FHIT: variants seen among roughly 807,000 people sequenced by gnomAD.
FHIT encodes the protein fragile histidine triad diadenosine triphosphatase.
Under a neutral mutation model 17.9 loss-of-function variants are expected in FHIT, and 19 were observed. The observed-to-expected ratio is 1.06, with a 90% CI of 0.74 to 1.56. FHIT has a LOEUF of 1.56. Among genes scored for constraint, FHIT ranks in the 40% most tolerant of loss-of-function variants. The pLI, the probability that FHIT is intolerant of heterozygous loss-of-function variation, is 0.00. For synonymous variants in FHIT, 81 were observed against 69.7 expected (o/e 1.16, Z -0.81); for missense variants, 248 against 189.2 (o/e 1.31, Z -1.82).
chr3:60,708,468 A>C (rs1482975749), intron 4 of FHIT, among the ~76,000 whole-genome samples: 1 of 152,150 alleles, frequency 6.6e-6, no homozygotes, highest in Non-Finnish European at 1.5e-5. Flanking sequence ...TATTTTTACC[A>C]TCATTGGTTT....
chr3:60,102,980 T>C (rs1182807997), intron 5 of FHIT, among the ~76,000 whole-genome samples: 1 of 152,198 alleles, frequency 6.6e-6, no homozygotes, highest in Admixed American at 6.5e-5. Context: ...TCCTAGACTT[T>C]TTCTTTCTGA....
chr3:60,813,426 T>C (rs1415621669), intron 4 of FHIT, among the ~76,000 whole-genome samples: 1 of 152,116 alleles, frequency 6.6e-6, no homozygotes, highest in Non-Finnish European at 1.5e-5. Context: ...CAGCATAGGC[T>C]TAATGCCTGT....
At chr3:60,554,104 A>T (rs753987549) in intron 4 of FHIT, among the ~76,000 whole-genome samples, 1 of 152,138 alleles carries the variant, frequency 6.6e-6, no homozygotes, top group Non-Finnish European at 1.5e-5. Flanking sequence ...AAAAAGAAAA[A>T]AAACGTATCA....
chr3:60,344,268 A>G (rs73104937), intron 5 of FHIT, among the ~76,000 whole-genome samples: 22,543 of 152,148 alleles, frequency 0.15, 1,759 homozygotes, highest in Non-Finnish European at 0.16. Context: ...ACTGTTTTCA[A>G]TATTGCTGTT....
At chr3:60,384,755 C>G (rs890209455) in intron 5 of FHIT, among the ~76,000 whole-genome samples, 4 of 151,370 alleles carry the variant, frequency 2.6e-5, no homozygotes, top group Non-Finnish European at 5.9e-5. Context: ...ATCATAGTAT[C>G]TCTTCAACAG....
intron 5 of FHIT, among the ~76,000 whole-genome samples, chr3:60,444,558 A>G (rs567562266): frequency 6.6e-6 from 1 of 152,274 alleles, no homozygotes; most frequent in African/African-American, 2.4e-5. Flanking sequence ...ATGTGGATGA[A>G]ACTAGAAACC....
intron 5 of FHIT, among the ~76,000 whole-genome samples, chr3:60,277,223 C>A (rs1008772619): frequency 1.3e-5 from 2 of 151,952 alleles, no homozygotes; most frequent in Non-Finnish European, 2.9e-5. Context: ...TTGTGAGGGA[C>A]ATATAAAGAA....
At chr3:61,102,522 T>G (rs1352199389) in intron 2 of FHIT, among the ~76,000 whole-genome samples, 2 of 152,190 alleles carry the variant, frequency 1.3e-5, no homozygotes, top group African/African-American at 4.8e-5. Flanking sequence ...TCTCTTTTTT[T>G]GTTGTGTCTC....
chr3:59,975,212 G>A (rs778827894), intron 7 of FHIT, among the ~76,000 whole-genome samples: 20 of 151,962 alleles, frequency 1.3e-4, no homozygotes, highest in Non-Finnish European at 2.4e-4. Flanking sequence ...TGTTCCTTTC[G>A]CTTTCCATGA....
chr3:60,269,803 T>C (rs1203047834), intron 5 of FHIT, among the ~76,000 whole-genome samples: 1 of 152,218 alleles, frequency 6.6e-6, no homozygotes, highest in Non-Finnish European at 1.5e-5. Flanking sequence ...AATCTGTAAG[T>C]GTTACAGGAA....
At chr3:60,468,139 A>G (rs1193413860) in intron 5 of FHIT, among the ~76,000 whole-genome samples, 1 of 152,016 alleles carries the variant, frequency 6.6e-6, no homozygotes, top group Non-Finnish European at 1.5e-5. Context: ...ATTTTCATGC[A>G]ACATCTTCTT....
At chr3:60,797,684 T>C (rs1469175639) in intron 4 of FHIT, among the ~76,000 whole-genome samples, 2 of 150,108 alleles carry the variant, frequency 1.3e-5, no homozygotes, top group South Asian at 2.2e-4. Context: ...TGAAATCTGA[T>C]ACCAAGTCTT....
chr3:59,856,006 C>T (rs1702141515), intron 8 of FHIT, among the ~76,000 whole-genome samples: 1 of 152,090 alleles, frequency 6.6e-6, no homozygotes, highest in Admixed American at 6.5e-5. Context: ...TGGTCTTGAT[C>T]TCCTGACTTC....
At chr3:60,682,244 T>A (rs991685221) in intron 4 of FHIT, among the ~76,000 whole-genome samples, 23 of 152,144 alleles carry the variant, frequency 1.5e-4, no homozygotes, top group African/African-American at 5.6e-4. Flanking sequence ...ATGCTGGGAT[T>A]ACAGGGGTAA....
rs945600208 is a variant in FHIT at position 60,416,534 on chromosome 3, G to T, written c.103+120326C>A. Reference sequence around the variant, plus strand: ...GACAATGCATACATGAATTAGCTTGGCTGTGTTTTAATAAAATTTTATTTA... The same window carrying T: ...GACAATGCATACATGAATTAGCTTGTCTGTGTTTTAATAAAATTTTATTTA... On this transcript the variant is annotated intron_variant, in intron 5 of 9. Coordinates refer to ENST00000492590, the MANE Select transcript of FHIT (RefSeq NM_002012.4). Among the ~76,000 whole-genome samples the T allele has an allele frequency of 2.6e-5, 4 of 152,124 alleles. No homozygotes were observed. In the South Asian group the frequency reaches 8.3e-4, roughly 31 times the overall value.
At chr3:60,382,525 C>A (rs914645241) in intron 5 of FHIT, among the ~76,000 whole-genome samples, 1 of 152,164 alleles carries the variant, frequency 6.6e-6, no homozygotes, top group Non-Finnish European at 1.5e-5. Context: ...ATTGGTAATA[C>A]AAGTAACACC....
chr3:60,193,376 G>C (rs547403321), intron 5 of FHIT, among the ~76,000 whole-genome samples: 1 of 152,126 alleles, frequency 6.6e-6, no homozygotes, highest in Non-Finnish European at 1.5e-5. Flanking sequence ...GTCTTTCCAG[G>C]CTAACAGAGG....
At chr3:60,779,947 C>G (rs959591428) in intron 4 of FHIT, among the ~76,000 whole-genome samples, 1 of 152,162 alleles carries the variant, frequency 6.6e-6, no homozygotes, top group African/African-American at 2.4e-5. Flanking sequence ...TGGGTAAGAG[C>G]GGATGATTCC....
intron 8 of FHIT, among the ~76,000 whole-genome samples, chr3:59,766,619 A>T (rs73837790): frequency 2.5e-3 from 375 of 152,318 alleles, no homozygotes; most frequent in African/African-American, 8.3e-3. Context: ...TTTAATAAAC[A>T]TGTCCGCAGT....
Sources: allele counts gnomAD v4.1 joint callset (sites outside exome capture counted in the v4.1 genomes callset), GRCh38; gene constraint gnomAD v4.1.1; transcripts MANE v1.5; gene names NCBI Gene and HGNC (gene_info 2026-07-23, HGNC 2026-07-21).